Variants in CNKSR2 observed in about 807,000 individuals in gnomAD.
CNKSR2 encodes CNK homolog protein 2.
A neutral mutation model predicts 84.4 loss-of-function variants in CNKSR2; 14 were observed. The observed-to-expected ratio is 0.17, with a 90% CI of 0.11 to 0.26. The LOEUF is 0.26. Ranked by LOEUF, CNKSR2 falls within the 10% of genes least tolerant of loss-of-function variation. CNKSR2 has a pLI of 1.00. For synonymous variants in CNKSR2, 275 were observed against 277.9 expected (o/e 0.99, Z 0.10); for missense variants, 485 against 771.2 (o/e 0.63, Z 4.40).
intron 7 of CNKSR2, among the ~76,000 whole-genome samples, chrX:21,499,373 G>A (rs1198720283): frequency 9.0e-6 from 1 of 111,353 alleles, no homozygotes. Flanking sequence ...AGTGTAATTT[G>A]CATGGATGGA....
intron 5 of CNKSR2, among the ~76,000 whole-genome samples, chrX:21,475,216 G>T (rs775489547): frequency 5.3e-4 from 59 of 111,688 alleles, no homozygotes; most frequent in Non-Finnish European, 5.6e-4. Flanking sequence ...ACAAAGAAAT[G>T]ATAAATGCTT....
intron 8 of CNKSR2, among the ~76,000 whole-genome samples, chrX:21,513,578 G>T (rs374750795): frequency 8.9e-6 from 1 of 111,859 alleles, no homozygotes; most frequent in East Asian, 2.8e-4. Context: ...GTTCATGCCT[G>T]TAATCCCAGA....
intron 1 of CNKSR2, among the ~76,000 whole-genome samples, chrX:21,413,334 T>C (rs753355117): frequency 9.0e-6 from 1 of 110,757 alleles, no homozygotes; most frequent in Non-Finnish European, 1.9e-5. Context: ...GGGTACATAG[T>C]AGGTGTGTAT....
chrX:21,557,620 G>T (rs1165919808), intron 11 of CNKSR2, among the ~76,000 whole-genome samples: 1 of 111,085 alleles, frequency 9.0e-6, no homozygotes, highest in Non-Finnish European at 1.9e-5. Context: ...TTATGATAGG[G>T]TGCCAAATGA....
intron 20 of CNKSR2, among the ~76,000 whole-genome samples, chrX:21,612,751 C>T (rs192901750): frequency 1.7e-4 from 19 of 111,956 alleles, no homozygotes; most frequent in African/African-American, 5.8e-4. Context: ...TACCTAAATC[C>T]ATGCCTTAGC....
intron 13 of CNKSR2, among the ~76,000 whole-genome samples, chrX:21,580,899 T>G (rs1229294884): frequency 8.9e-6 from 1 of 111,739 alleles, no homozygotes; most frequent in Non-Finnish European, 1.9e-5. Flanking sequence ...TTTCAACGGT[T>G]TCTGTCAAAC....
At chrX:21,639,325 G>A (rs763866581) in intron 20 of CNKSR2, among the ~76,000 whole-genome samples, 2 of 111,402 alleles carry the variant, frequency 1.8e-5, no homozygotes, top group Admixed American at 1.9e-4. Flanking sequence ...TAGATTATAC[G>A]GGCAGCCCTT....
At chrX:21,574,651 C>T (rs949056807) in intron 13 of CNKSR2, among the ~76,000 whole-genome samples, 7 of 111,014 alleles carry the variant, frequency 6.3e-5, no homozygotes, top group East Asian at 2.8e-4. Flanking sequence ...TCCCTCCCAC[C>T]GTATGTGGGA....
At chrX:21,398,331 G>A (rs1823603522) in intron 1 of CNKSR2, among the ~76,000 whole-genome samples, 1 of 111,800 alleles carries the variant, frequency 8.9e-6, no homozygotes, top group Admixed American at 9.5e-5. Context: ...TTCAATAAGT[G>A]AAAATATAAA....
chrX:21,638,279 A>G (rs759390828), intron 20 of CNKSR2, among the ~76,000 whole-genome samples: 2 of 112,026 alleles, frequency 1.8e-5, no homozygotes, highest in South Asian at 7.4e-4. Context: ...CAGGTCACTA[A>G]TGGAAGCCTG....
At chrX:21,510,072 A>G (rs2091655650) in intron 8 of CNKSR2, among the ~76,000 whole-genome samples, 1 of 111,515 alleles carries the variant, frequency 9.0e-6, no homozygotes, top group African/African-American at 3.3e-5. Flanking sequence ...GCTCTTAAAA[A>G]GAGCAGGAGG....
intron 20 of CNKSR2, chrX:21,642,016 A>G: frequency 1.3e-6 from 1 of 758,770 alleles, no homozygotes; most frequent in Non-Finnish European, 1.6e-6. Flanking sequence ...ATAACTAGAA[A>G]ATTCTGGCTG....
At chrX:21,600,673 A>G (rs756112783) in intron 17 of CNKSR2, among the ~76,000 whole-genome samples, 66 of 112,319 alleles carry the variant, frequency 5.9e-4, no homozygotes, top group African/African-American at 1.9e-3. Flanking sequence ...TTAACTTACA[A>G]TTGCTCATGA....
Position 21,511,348 on chromosome X carries a change from G to A in CNKSR2, c.811-5137G>A, listed in dbSNP as rs896543034. Among the ~76,000 whole-genome samples the A allele has an allele frequency of 1.1e-4, 12 of 111,206 alleles. No homozygotes were observed. The East Asian group carries it at 1.1e-3, about 10-fold the overall frequency. On this transcript the variant is annotated intron_variant, in intron 8 of 21. Transcript: ENST00000379510. ...TAATCTTTTATGCGACAAATTTTAA[G>A]TATATTACATATAAAAAATATTTTA...
chrX:21,438,308 A>G (rs1332490475), intron 3 of CNKSR2, among the ~76,000 whole-genome samples: 2 of 112,195 alleles, frequency 1.8e-5, no homozygotes, highest in Admixed American at 9.5e-5. Context: ...GAAAAGGTAC[A>G]GTAAGAATAC....
Position 21,606,585 on chromosome X carries a change from G to A in CNKSR2, c.2045-194G>A, listed in dbSNP as rs932351918. 1.8e-5 allele frequency: 6 copies of A among 334,988 alleles called. No homozygotes were observed. In the East Asian group the frequency reaches 1.9e-4, roughly 11 times the overall value. The allele number at this position is 334,988 out of a possible 1,213,427, so 27.6% of individuals were successfully genotyped here. On this transcript the variant is annotated intron_variant, in intron 18 of 21. Transcript: ENST00000379510. ...CTTTAAAAGGATGTTAGAATTAGGT[G>A]ATTGTACACTTACTTTCTCCTCAAA... is the stretch of plus-strand genomic sequence containing the variant.
At chrX:21,393,628 G>A (rs766355465) in intron 1 of CNKSR2, among the ~76,000 whole-genome samples, 5 of 112,232 alleles carry the variant, frequency 4.5e-5, no homozygotes, top group African/African-American at 9.7e-5. Flanking sequence ...AATAATTAAC[G>A]ACAGAATGTT....
intron 20 of CNKSR2, among the ~76,000 whole-genome samples, chrX:21,612,900 T>C (rs1412440157): frequency 8.9e-6 from 1 of 112,326 alleles, no homozygotes; most frequent in Non-Finnish European, 1.9e-5. Flanking sequence ...ATTATTTAAC[T>C]GAGTCATACT....
chrX:21,472,106 C>T (rs2091204676), intron 5 of CNKSR2, among the ~76,000 whole-genome samples: 1 of 111,611 alleles, frequency 9.0e-6, no homozygotes, highest in Non-Finnish European at 1.9e-5. Context: ...TGAGGCTTTA[C>T]AAATTGTACT....
Sources: gnomAD v4.1 joint callset for allele counts (sites outside exome capture counted in the v4.1 genomes callset) on GRCh38, gnomAD v4.1.1 for gene constraint, MANE v1.5 for transcripts, NCBI Gene and HGNC (gene_info 2026-07-23, HGNC 2026-07-21) for gene names.